The following CDC14B variants were observed in gnomAD, a reference collection of about 807,000 sequenced individuals.
CDC14B encodes the protein dual specificity protein phosphatase CDC14B.
CDC14B carries 22 observed loss-of-function variants against 64.2 expected under a neutral mutation model. The observed-to-expected ratio is 0.34, with a 90% CI of 0.24 to 0.49. CDC14B has a LOEUF of 0.49. Among genes scored for constraint, CDC14B ranks in the 20% least tolerant of loss-of-function variants. The pLI is 0.99. For synonymous variants in CDC14B, 191 were observed against 215.8 expected, an observed-to-expected ratio of 0.89 and a Z score of 1.01; for missense variants, 498 against 629.9, an observed-to-expected ratio of 0.79 and a Z score of 2.24.
At chr9:96,516,391 C>CTA (rs1349409554) in intron 12 of CDC14B, among the ~76,000 whole-genome samples, 1 of 152,202 alleles carries the variant, frequency 6.6e-6, no homozygotes, top group Admixed American at 6.5e-5. Flanking sequence ...GGTATGCATA[C>CTA]TATAGACTTT....
intron 7 of CDC14B, 119 bp downstream of exon 7, chr9:96,538,959 T>C: frequency 1.4e-6 from 1 of 693,174 alleles, no homozygotes; most frequent in Non-Finnish European, 2.6e-6. Flanking sequence ...GGTGTATACA[T>C]ATATCAAAAC....
chr9:96,562,458 C>T (rs1843338627), intron 4 of CDC14B: 4 of 440,656 alleles, frequency 9.1e-6, no homozygotes, highest in Non-Finnish European at 1.6e-5. Flanking sequence ...AGGCTTTTTT[C>T]CCGAGCAGTT....
Position 96,551,111 on chromosome 9 carries a change from C to CTTTTTTT in CDC14B, c.497+678_497+684dup, listed in dbSNP as rs202193145. The stretch of plus-strand genomic sequence containing the variant: ...TACAAAGCCTAGGTTTTGGGGTTTG[C>CTTTTTTT]TTTTTTTTTTTTTTTTTTTGAGACA... On this transcript the variant is annotated intron_variant, in intron 5 of 13. Coordinates refer to ENST00000375241, the MANE Select transcript of CDC14B (RefSeq NM_033331.4). Among the ~76,000 whole-genome samples, 307 of 93,262 alleles carry CTTTTTTT rather than the reference C, an allele frequency of 3.3e-3. 50 individuals are homozygous for CTTTTTTT. Among genetic ancestry groups the CTTTTTTT allele is most frequent in the South Asian group, 0.016 (29 of 1,760 alleles). 61.2% of individuals were successfully genotyped at this position (93,262 alleles called of 152,430 possible).
intron 1 of CDC14B, among the ~76,000 whole-genome samples, chr9:96,579,259 T>C (rs1165901433): frequency 6.6e-6 from 1 of 152,008 alleles, no homozygotes; most frequent in Non-Finnish European, 1.5e-5. Flanking sequence ...CAAGGTTAAA[T>C]GAGGTCATAC....
chr9:96,531,003 T>C (rs541899452), intron 9 of CDC14B, among the ~76,000 whole-genome samples: 46 of 152,360 alleles, frequency 3.0e-4, no homozygotes, highest in East Asian at 2.1e-3. Context: ...AAATCCTACT[T>C]GGTCATGGCA....
Position 96,562,476 on chromosome 9 carries a change from C to T in CDC14B, c.420+217G>A, listed in dbSNP as rs144366837. ...CTTTTTTCCCGAGCAGTTTTAGGTT[C>T]ACAGCAAAATTAAGTGGAAGGTACA... On this transcript the variant is annotated intron_variant, in intron 4 of 13. Coordinates refer to ENST00000375241, the MANE Select transcript of CDC14B (RefSeq NM_033331.4). The T allele has an allele frequency of 7.6e-5, 37 of 488,254 alleles. No individual in the cohort carries two copies. The East Asian group carries it at 1.2e-3, about 15-fold the overall frequency. 30.2% of individuals were successfully genotyped at this position (488,254 alleles called of 1,614,324 possible).
intron 1 of CDC14B, among the ~76,000 whole-genome samples, chr9:96,589,923 T>C (rs536835663): frequency 8.9e-4 from 134 of 149,820 alleles, no homozygotes; most frequent in African/African-American, 3.2e-3. Context: ...ATTGCACCAC[T>C]GCACCCCAGC....
At chr9:96,590,827 TA>T (rs756552608) in intron 1 of CDC14B, among the ~76,000 whole-genome samples, 14 of 152,124 alleles carry the variant, frequency 9.2e-5, no homozygotes, top group Non-Finnish European at 1.9e-4. Flanking sequence ...GCCTCCCAAG[TA>T]GCTGGGCCTA....
At chr9:96,547,138 G>A (rs114139591) in intron 5 of CDC14B, among the ~76,000 whole-genome samples, 1 of 151,870 alleles carries the variant, frequency 6.6e-6, no homozygotes, top group Non-Finnish European at 1.5e-5. Context: ...TTAAAGGCCA[G>A]GTACTATATC....
chr9:96,535,407 A>G (rs2053685950), intron 7 of CDC14B, among the ~76,000 whole-genome samples: 1 of 152,254 alleles, frequency 6.6e-6, no homozygotes, highest in African/African-American at 2.4e-5. Context: ...TCCCTACAAA[A>G]AAACAAATAT....
chr9:96,609,039 C>G (rs1443341026), intron 1 of CDC14B, among the ~76,000 whole-genome samples: 1 of 152,108 alleles, frequency 6.6e-6, no homozygotes, highest in Admixed American at 6.6e-5. Context: ...GTGGCACAAT[C>G]TCTGCTCACT....
intron 1 of CDC14B, among the ~76,000 whole-genome samples, chr9:96,569,738 C>A (rs1249678634): frequency 2.6e-5 from 4 of 152,058 alleles, no homozygotes; most frequent in Non-Finnish European, 5.9e-5. Flanking sequence ...GATTCTCCTG[C>A]CTCAGCCTCC....
intron 2 of CDC14B, 39 bp from the exon 3 acceptor site, chr9:96,564,891 G>C: frequency 7.4e-7 from 1 of 1,350,246 alleles, no homozygotes; most frequent in Middle Eastern, 1.8e-4. Flanking sequence ...GTACATTCTA[G>C]ATGCTCTGAA....
In CDC14B at chr9:96,583,370, TTTATTATTA is replaced by T. The variant is rs60483659; in HGVS notation, c.161-17896_161-17888del. Among the ~76,000 whole-genome samples the T allele has an allele frequency of 2.2e-3, 301 of 139,092 alleles. 2 individuals are homozygous for T. Among genetic ancestry groups the T allele is most frequent in the South Asian group, 0.013 (58 of 4,332 alleles). 91.2% of individuals were successfully genotyped at this position (139,092 alleles called of 152,430 possible). On this transcript the variant is annotated intron_variant, in intron 1 of 13. Coordinates refer to ENST00000375241, the MANE Select transcript of CDC14B (RefSeq NM_033331.4). ...ACCCTCCGGCTACTGGTTGTATTTATTTATTATTATTATTATTATTATTATTATTATTAT... is the reference window on the plus strand; with the variant it reads ...ACCCTCCGGCTACTGGTTGTATTTATTTATTATTATTATTATTATTATTAT...
chr9:96,530,116 T>C (rs893342662), intron 9 of CDC14B, among the ~76,000 whole-genome samples: 1 of 152,178 alleles, frequency 6.6e-6, no homozygotes, highest in African/African-American at 2.4e-5. Flanking sequence ...TGATTCTTCT[T>C]GATGCTATTA....
chr9:96,606,829 G>A (rs566676368), intron 1 of CDC14B, among the ~76,000 whole-genome samples: 1 of 152,142 alleles, frequency 6.6e-6, no homozygotes, highest in Non-Finnish European at 1.5e-5. Context: ...GCCTCCCAAA[G>A]TGCTGGGATT....
rs1272290698 is a variant in CDC14B, at chr9:96,547,123, AT to A, written c.497+4672del. ...GGGAAGGTTGGAATATTTAACAAAT[AT>A]TAGTTAAAGGCCAGGTACTATATCA... On this transcript the variant is annotated intron_variant, in intron 5 of 13. Coordinates refer to ENST00000375241, the MANE Select transcript of CDC14B (RefSeq NM_033331.4). 2.0e-5 allele frequency among the ~76,000 whole-genome samples: 3 copies of A among 152,084 alleles called. No individual in the cohort carries two copies. The East Asian group carries it at 5.9e-4, about 30-fold the overall frequency.
chr9:96,617,272 G>A (rs28537862), intron 1 of CDC14B, among the ~76,000 whole-genome samples: 18,247 of 151,418 alleles, frequency 0.12, 3,639 homozygotes, highest in African/African-American at 0.42. Context: ...TTCTGAAGTT[G>A]ATTAATTGGT....
At chr9:96,583,370 T>TTTTTTATTATTATTA (rs1554775481) in intron 1 of CDC14B, among the ~76,000 whole-genome samples, 1 of 139,104 alleles carries the variant, frequency 7.2e-6, no homozygotes, top group Admixed American at 7.4e-5. Context: ...GTTGTATTTA[T>TTTTTTATTATTATTA]TTATTATTAT....
Sources: allele counts gnomAD v4.1 joint callset (sites outside exome capture counted in the v4.1 genomes callset), GRCh38; gene constraint gnomAD v4.1.1; transcripts MANE v1.5; gene names NCBI Gene and HGNC (gene_info 2026-07-23, HGNC 2026-07-21).